The following ANKRD12 variants were observed in gnomAD, a reference collection of about 807,000 sequenced individuals.
ANKRD12 encodes ankyrin repeat domain-containing protein 12.
A neutral mutation model predicts 183.4 loss-of-function variants in ANKRD12; 85 were observed. That is an observed-to-expected ratio of 0.46 (90% CI 0.39 to 0.56). The LOEUF is 0.56. Ranked by LOEUF, ANKRD12 falls within the 20% of genes least tolerant of loss-of-function variation. The pLI is 0.00. For synonymous variants in ANKRD12, 914 were observed against 800.2 expected, an observed-to-expected ratio of 1.14 and a Z score of -2.40; for missense variants, 2,405 against 2,357.1, an observed-to-expected ratio of 1.02 and a Z score of -0.42.
intron 1 of ANKRD12, among the ~76,000 whole-genome samples, chr18:9,162,330 GGAT>G (rs949941810): frequency 3.7e-4 from 56 of 152,076 alleles, no homozygotes; most frequent in African/African-American, 1.3e-3. Flanking sequence ...AGTTTGCTGA[GGAT>G]GATAACAGCT....
Position 9,159,986 on chromosome 18 carries a change from T to C in ANKRD12, c.-51-22396T>C, listed in dbSNP as rs947240634. 2.0e-5 allele frequency among the ~76,000 whole-genome samples: 3 copies of C among 151,910 alleles called. No individual in the cohort carries two copies. The South Asian group carries it at 6.2e-4, about 32-fold the overall frequency. On this transcript the variant is annotated intron_variant, in intron 1 of 12. Transcript: ENST00000262126. ...CACGCAGCTCATTTTAAAATATTTG[T>C]TACTCTTGCCCGGTGGCTCATGCCT...
intron 1 of ANKRD12, among the ~76,000 whole-genome samples, chr18:9,172,000 G>A (rs918676642): frequency 2.7e-5 from 4 of 148,948 alleles, no homozygotes; most frequent in African/African-American, 9.9e-5. Context: ...ATCCTGGGCA[G>A]GAAGAGTGAA....
intron 1 of ANKRD12, among the ~76,000 whole-genome samples, chr18:9,172,025 C>CA (rs60328704): frequency 0.59 from 74,507 of 125,374 alleles, 20,588 homozygotes; most frequent in South Asian, 0.71. Context: ...AGCTCCACCT[C>CA]AAAAAAAAAA....
intron 12 of ANKRD12, among the ~76,000 whole-genome samples, chr18:9,280,195 T>A (rs1204507123): frequency 6.6e-6 from 1 of 152,150 alleles, no homozygotes; most frequent in African/African-American, 2.4e-5. Context: ...TCACCTCAGA[T>A]CATCAGACAT....
intron 8 of ANKRD12, among the ~76,000 whole-genome samples, chr18:9,252,926 TA>T (rs891321169): frequency 6.0e-4 from 92 of 152,296 alleles, no homozygotes; most frequent in African/African-American, 2.1e-3. Context: ...TTCTCTCTCC[TA>T]AAAAAAGTGC....
At position 9,284,211 on chromosome 18, in the gene ANKRD12, C is replaced by A. The variant is rs1411427792; in HGVS notation, c.*3085C>A. The A allele has an allele frequency of 1.3e-5, 2 of 152,104 alleles. No individual in the cohort carries two copies. The highest frequency in any genetic ancestry group is 2.9e-5 in the Non-Finnish European group (2 of 68,028). The allele number at this position is 152,104 out of a possible 1,614,324, so 9.4% of individuals were successfully genotyped here. ...CAAACCTTCAATTTGTAAAAAACGCCAATATGTACAAAGCACAATAAAGCA... is the reference window on the plus strand; with the variant it reads ...CAAACCTTCAATTTGTAAAAAACGCAAATATGTACAAAGCACAATAAAGCA... On this transcript the variant is annotated 3_prime_UTR_variant, in exon 13 of 13. Coordinates refer to ENST00000262126, the MANE Select transcript of ANKRD12 (RefSeq NM_015208.5).
At chr18:9,230,920 G>A (rs1162084125) in intron 8 of ANKRD12, among the ~76,000 whole-genome samples, 11 of 151,824 alleles carry the variant, frequency 7.2e-5, no homozygotes, top group Admixed American at 7.2e-4. Context: ...TGCCCGCTTC[G>A]GCCTCCCAAA....
intron 1 of ANKRD12, among the ~76,000 whole-genome samples, chr18:9,138,384 A>C (rs1265426432): frequency 6.6e-6 from 1 of 152,100 alleles, no homozygotes; most frequent in East Asian, 1.9e-4. Context: ...GTGGTGGCGC[A>C]TGTCTGTAAT....
At chr18:9,193,250 TGCCTCA>T (rs1234210929) in intron 2 of ANKRD12, among the ~76,000 whole-genome samples, 4 of 151,216 alleles carry the variant, frequency 2.6e-5, no homozygotes, top group African/African-American at 9.7e-5. Flanking sequence ...GCAGTCCTCC[TGCCTCA>T]GCCTCCCAAG....
At chr18:9,193,629 A>T (rs1475053618) in intron 2 of ANKRD12, among the ~76,000 whole-genome samples, 6 of 151,720 alleles carry the variant, frequency 4.0e-5, no homozygotes, top group Non-Finnish European at 8.8e-5. Flanking sequence ...TTGCTACTTT[A>T]AAAAAAATGA....
intron 10 of ANKRD12, among the ~76,000 whole-genome samples, chr18:9,264,268 C>T (rs890855723): frequency 3.9e-5 from 6 of 152,148 alleles, no homozygotes; most frequent in Admixed American, 6.6e-5. Context: ...TATTTGTCCA[C>T]GTAGGTCGGC....
chr18:9,190,843 A>G (rs572186475), intron 2 of ANKRD12, among the ~76,000 whole-genome samples: 81 of 152,354 alleles, frequency 5.3e-4, no homozygotes, highest in Non-Finnish European at 9.6e-4. Flanking sequence ...TAGTGTAAAC[A>G]TGATTTTTGT....
chr18:9,257,148 T>C lies in ANKRD12; in HGVS notation c.3881T>C (p.Val1294Ala), dbSNP rs972345652. The change falls in exon 9 of 13, where the codon GTT (valine) becomes GCT (alanine). Residue 1294 changes from valine to alanine, a missense_variant. Val to Ala is a moderately conservative substitution (Grantham distance 64, BLOSUM62 0). This residue lies in a region of ANKRD12 where 1,983 missense variants were observed against 1,725.9 expected (regional missense o/e 1.15). Transcript: ENST00000262126. ...SHLRSSSVED[V>A]KLIISEGRPT... is the part of the protein sequence containing the mutation. ...CTTAGGTCATCTTCTGTAGAAGATG[T>C]TAAACTAATTATAAGCGAGGGGAGA... 6.2e-7 allele frequency: 1 copy of C among 1,614,116 alleles called. No individual in the cohort carries two copies. The highest frequency in any genetic ancestry group is 1.3e-5 in the African/African-American group (1 of 75,040).
intron 8 of ANKRD12, among the ~76,000 whole-genome samples, chr18:9,247,447 C>A (rs927354764): frequency 2.6e-5 from 4 of 151,934 alleles, no homozygotes; most frequent in Non-Finnish European, 4.4e-5. Context: ...CCACTGCACT[C>A]CAGCCTGGGC....
At chr18:9,137,118 C>G (rs1164265157) in intron 1 of ANKRD12, 153 bp downstream of exon 1, 1 of 148,642 alleles carries the variant, frequency 6.7e-6, no homozygotes, top group African/African-American at 2.5e-5. Context: ...GCCCTGCCCG[C>G]CCCCCCCGGT....
rs1257667371 is a variant in ANKRD12 at position 9,257,667 on chromosome 18, C to T, written c.4400C>T (p.Ser1467Phe). 2 of 1,613,852 alleles carry T rather than the reference C, an allele frequency of 1.2e-6. No individual in the cohort carries two copies. The highest frequency in any genetic ancestry group is 1.7e-6 in the Non-Finnish European group (2 of 1,179,948). Residue 1467 changes from serine (S) to phenylalanine (F), a missense_variant, in exon 9 of 13, where the codon TCC (serine) becomes TTC (phenylalanine). This residue lies in a region of ANKRD12 where 1,983 missense variants were observed against 1,725.9 expected (regional missense o/e 1.15). Transcript: ENST00000262126. ...KVLKENADFL[S>F]LRQTELPGNS... ...TTGAAAGAAAATGCTGATTTTTTAT[C>T]CCTGCGCCAGACTGAACTGCCAGGA...
chr18:9,240,358 A>G lies in ANKRD12; in HGVS notation c.944-13853A>G, dbSNP rs564492230. On this transcript the variant is annotated intron_variant, in intron 8 of 12. Transcript: ENST00000262126. ...GTCTAAGTCCATGTTACCTTCCTCT[A>G]TAGAAATTCTGTCCAGCAATAGTGT... Among the ~76,000 whole-genome samples, 33 of 152,200 alleles carry G rather than the reference A, an allele frequency of 2.2e-4. 1 individual carries two copies. The South Asian group carries it at 3.5e-3, about 16-fold the overall frequency.
chr18:9,150,944 C>T (rs779697633), intron 1 of ANKRD12, among the ~76,000 whole-genome samples: 7 of 145,270 alleles, frequency 4.8e-5, no homozygotes, highest in Non-Finnish European at 7.6e-5. Flanking sequence ...TAAGCCATCG[C>T]GCCCAGCCAA....
At chr18:9,264,835 A>G (rs2039186681) in intron 10 of ANKRD12, among the ~76,000 whole-genome samples, 1 of 152,236 alleles carries the variant, frequency 6.6e-6, no homozygotes, top group Admixed American at 6.5e-5. Flanking sequence ...AAGTCTTGCC[A>G]CCTTACAGTT....
Sources: gnomAD v4.1 joint callset for allele counts (sites outside exome capture counted in the v4.1 genomes callset) on GRCh38, gnomAD v4.1.1 for gene constraint, gnomAD v4.1.1 regional missense constraint, MANE v1.5 for transcripts, NCBI Gene and HGNC (gene_info 2026-07-23, HGNC 2026-07-21) for gene names.